Variants in EXOC6B observed in about 807,000 individuals in gnomAD.
EXOC6B encodes exocyst complex component 6B.
Under a neutral mutation model 113.5 loss-of-function variants are expected in EXOC6B, and 54 were observed. That is an observed-to-expected ratio of 0.48 (90% CI 0.38 to 0.60). The LOEUF (loss-of-function observed/expected upper bound fraction) is 0.60. Ranked by LOEUF, EXOC6B falls within the 20% of genes least tolerant of loss-of-function variation. The pLI, the probability that EXOC6B is intolerant of heterozygous loss-of-function variation, is 0.00. For missense variants in EXOC6B, 797 were observed against 977.5 expected (o/e 0.82, Z 2.46); for synonymous variants, 357 against 339.0 (o/e 1.05, Z -0.58).
intron 6 of EXOC6B, among the ~76,000 whole-genome samples, chr2:72,623,844 AT>A (rs950231782): frequency 6.6e-6 from 1 of 152,138 alleles, no homozygotes. Context: ...TTCTATTCCT[AT>A]TCTTGCTGTA....
intron 1 of EXOC6B, among the ~76,000 whole-genome samples, chr2:72,745,000 C>T (rs1681603010): frequency 6.6e-6 from 1 of 152,148 alleles, no homozygotes; most frequent in Non-Finnish European, 1.5e-5. Flanking sequence ...CTCTCCGACC[C>T]TCAACTTTCT....
Position 72,825,716 on chromosome 2 carries a change from C to A in EXOC6B, c.113+82G>T, listed in dbSNP as rs1686862636. ...GAGGGGCCGGCGCCGGACCTGGGGACAGCCGGCCGGAGGCCCGACCCAGAG... is the reference window on the plus strand; with the variant it reads ...GAGGGGCCGGCGCCGGACCTGGGGAAAGCCGGCCGGAGGCCCGACCCAGAG... On this transcript the variant is annotated intron_variant, in intron 1 of 21. Transcript: ENST00000272427. This position sits in a 1 kb window ranked among gnomAD's most constrained non-coding sequence, Gnocchi z 4.4. 7.0e-7 allele frequency: 1 copy of A among 1,420,246 alleles called. No homozygotes were observed. The highest frequency in any genetic ancestry group is 1.4e-5 in the African/African-American group (1 of 69,206). 88.0% of individuals were successfully genotyped at this position (1,420,246 alleles called of 1,614,324 possible).
In EXOC6B at chr2:72,575,573, A is replaced by G. The variant is rs377010715; in HGVS notation, c.765T>C (p.Asp255=). 12 of 1,611,804 alleles carry G rather than the reference A, an allele frequency of 7.4e-6. No homozygotes were observed. The highest frequency in any genetic ancestry group is 8.5e-6 in the Non-Finnish European group (10 of 1,179,102). The change falls in exon 7 of 22, where the codon GAT becomes GAC. Residue 255 remains aspartate (D), a synonymous_variant. Transcript: ENST00000272427. ...TCGGACTAGTACTTTCTATCTCTGT[A>G]TCAAAGATTATATATGCATCTTTCT... The part of the protein sequence containing the change: ...KSKKDAYIIF[D]TEIESTSPKS...
intron 20 of EXOC6B, among the ~76,000 whole-genome samples, chr2:72,312,800 CAA>C (rs11288459): frequency 9.4e-4 from 107 of 113,390 alleles, no homozygotes; most frequent in Admixed American, 3.3e-3. Context: ...AAACGACAAC[CAA>C]AAAAAAAAAA....
intron 1 of EXOC6B, among the ~76,000 whole-genome samples, chr2:72,809,077 C>T (rs575579853): frequency 1.3e-5 from 2 of 151,944 alleles, no homozygotes; most frequent in African/African-American, 2.4e-5. Context: ...ACAACAACAA[C>T]AAGAGCAGCA....
chr2:72,576,771 T>G (rs1573425329), intron 6 of EXOC6B, among the ~76,000 whole-genome samples: 1 of 152,320 alleles, frequency 6.6e-6, no homozygotes, highest in South Asian at 2.1e-4. Flanking sequence ...TAACCCAGCA[T>G]GTTCCAAAAA....
At chr2:72,246,814 T>C (rs1479612712) in intron 20 of EXOC6B, among the ~76,000 whole-genome samples, 1 of 152,274 alleles carries the variant, frequency 6.6e-6, no homozygotes, top group East Asian at 1.9e-4. Context: ...TGTTATCCTA[T>C]CTATGGAGAC....
At chr2:72,731,692 A>G (rs1333739259) in intron 3 of EXOC6B, among the ~76,000 whole-genome samples, 1 of 152,236 alleles carries the variant, frequency 6.6e-6, no homozygotes, top group Non-Finnish European at 1.5e-5. Context: ...CACAGAATTT[A>G]GAATGTGAGA....
chr2:72,262,055 C>T (rs1251423184), intron 20 of EXOC6B, among the ~76,000 whole-genome samples: 1 of 152,114 alleles, frequency 6.6e-6, no homozygotes, highest in Non-Finnish European at 1.5e-5. Context: ...AGTTAGTATT[C>T]TTTCCCTATA....
chr2:72,817,198 T>G (rs1466957244), intron 1 of EXOC6B, among the ~76,000 whole-genome samples: 1 of 152,150 alleles, frequency 6.6e-6, no homozygotes, highest in Admixed American at 6.6e-5. Flanking sequence ...ATCATTAGAG[T>G]TACTATTCTT....
chr2:72,417,446 C>A (rs1261149927), intron 18 of EXOC6B, among the ~76,000 whole-genome samples: 1 of 152,174 alleles, frequency 6.6e-6, no homozygotes, highest in Admixed American at 6.5e-5. Context: ...GCATGAGCCA[C>A]CATGCCTGGC....
chr2:72,686,943 C>A (rs1462306686), intron 6 of EXOC6B, among the ~76,000 whole-genome samples: 1 of 152,040 alleles, frequency 6.6e-6, no homozygotes, highest in Non-Finnish European at 1.5e-5. Context: ...TGGAGACCAT[C>A]CTGCCTAAGA....
chr2:72,348,490 T>G (rs1013085718), intron 19 of EXOC6B, among the ~76,000 whole-genome samples: 1 of 152,222 alleles, frequency 6.6e-6, no homozygotes, highest in African/African-American at 2.4e-5. Context: ...AATCCTTTAC[T>G]TGTATTCTTC....
intron 20 of EXOC6B, among the ~76,000 whole-genome samples, chr2:72,216,989 C>T (rs1416118429): frequency 4.8e-5 from 7 of 146,184 alleles, no homozygotes; most frequent in African/African-American, 1.8e-4. Flanking sequence ...TGCAGTGAGC[C>T]GAGATCACAC....
At chr2:72,657,323 T>G (rs1674659515) in intron 6 of EXOC6B, among the ~76,000 whole-genome samples, 1 of 151,194 alleles carries the variant, frequency 6.6e-6, no homozygotes, top group African/African-American at 2.4e-5. Flanking sequence ...CCTCTCAGGT[T>G]CAAGCAATTC....
At chr2:72,299,226 C>T (rs999813710) in intron 20 of EXOC6B, among the ~76,000 whole-genome samples, 2 of 151,744 alleles carry the variant, frequency 1.3e-5, no homozygotes, top group Admixed American at 6.6e-5. Flanking sequence ...CACTTTATTT[C>T]ATTGAGTTGA....
intron 6 of EXOC6B, among the ~76,000 whole-genome samples, chr2:72,717,567 T>C (rs1001929644): frequency 2.6e-5 from 4 of 152,202 alleles, no homozygotes; most frequent in African/African-American, 9.6e-5. Flanking sequence ...TGAAGATTTT[T>C]TTAACAAATG....
rs1195066020 is a variant in EXOC6B at position 72,380,145 on chromosome 2, T to C, written c.1981-275A>G. Among the ~76,000 whole-genome samples the C allele has an allele frequency of 3.9e-5, 6 of 152,162 alleles. No individual in the cohort carries two copies. In the South Asian group the frequency reaches 1.0e-3, roughly 26 times the overall value. On this transcript the variant is annotated intron_variant, in intron 18 of 21. Transcript: ENST00000272427. ...AGTCAAGAATTACTTCTTTTCTAAA[T>C]TGACATCAAACAATATTCAAAATTT... is the stretch of plus-strand genomic sequence containing the variant.
At chr2:72,273,874 T>C (rs1684657866) in intron 20 of EXOC6B, among the ~76,000 whole-genome samples, 1 of 152,264 alleles carries the variant, frequency 6.6e-6, no homozygotes, top group East Asian at 1.9e-4. Context: ...GGGTCTACTA[T>C]GCGAAAGCAG....
Sources: allele counts gnomAD v4.1 joint callset (sites outside exome capture counted in the v4.1 genomes callset), GRCh38; gene constraint gnomAD v4.1.1; non-coding constraint Gnocchi (gnomAD v3.1); transcripts MANE v1.5; gene names NCBI Gene and HGNC (gene_info 2026-07-23, HGNC 2026-07-21).